KLC1: variants seen among roughly 807,000 people sequenced by gnomAD.
The protein encoded by KLC1 is kinesin 2 60/70kDa.
Under a neutral mutation model 84.2 loss-of-function variants are expected in KLC1, and 30 were observed. The ratio of observed to expected loss-of-function variants is 0.36; its 90% CI spans 0.27 to 0.48. The LOEUF (loss-of-function observed/expected upper bound fraction) is 0.48. Among genes scored for constraint, KLC1 ranks in the 20% least tolerant of loss-of-function variants. KLC1 has a pLI of 0.99. For missense variants in KLC1, 499 were observed against 805.4 expected, an observed-to-expected ratio of 0.62 and a Z score of 4.60; for synonymous variants, 289 against 293.3, an observed-to-expected ratio of 0.99 and a Z score of 0.15.
In KLC1 at chr14:103,677,502, T is replaced by C. The variant is rs765167856; in HGVS notation, c.1467T>C (p.Ala489=). The part of the protein sequence containing the change: ...KFEAAETLEE[A]AMRSRKQGLD... ...AAGCTGCAGAAACGTTAGAAGAAGC[T>C]GCTATGAGGTCTCGTAAACAGGTTA... The change falls in exon 12 of 17, where the codon GCT becomes GCC. Residue 489 remains alanine, a synonymous_variant. Coordinates refer to ENST00000334553, the MANE Select transcript of KLC1 (RefSeq NM_001394837.1). The C allele has an allele frequency of 6.2e-7, 1 of 1,613,526 alleles. No homozygotes were observed. Among genetic ancestry groups the C allele is most frequent in the Non-Finnish European group, 8.5e-7 (1 of 1,179,454 alleles).
chr14:103,685,236 G>C (rs898706648), intron 13 of KLC1: 1 of 1,403,274 alleles, frequency 7.1e-7, no homozygotes, highest in Non-Finnish European at 9.3e-7. Context: ...TCTAAAATGT[G>C]TTTTTAAGAG....
At chr14:103,644,018 A>G (rs1251868459) in intron 1 of KLC1, among the ~76,000 whole-genome samples, 1 of 152,010 alleles carries the variant, frequency 6.6e-6, no homozygotes, top group African/African-American at 2.4e-5. Flanking sequence ...GATCGAGACC[A>G]TCCTGGGTAA....
chr14:103,679,563 C>T lies in KLC1; in HGVS notation c.1650+18C>T, dbSNP rs370308314. ...GGAACGGGGTAAGTACAGTACACAGCGGGCACGTGCTCCGGGAGGCGCCCC... is the reference window on the plus strand; with the variant it reads ...GGAACGGGGTAAGTACAGTACACAGTGGGCACGTGCTCCGGGAGGCGCCCC... On this transcript the variant is annotated intron_variant, in intron 13 of 16. Transcript: ENST00000334553. 3.2e-4 allele frequency: 509 copies of T among 1,589,286 alleles called. 1 individual carries two copies. Among genetic ancestry groups the T allele is most frequent in the Middle Eastern group, 1.8e-3 (11 of 5,982 alleles).
Position 103,693,765 on chromosome 14 carries a change from T to C in KLC1, c.1848+1340T>C, listed in dbSNP as rs1168070922. The C allele has an allele frequency of 7.0e-7, 1 of 1,428,392 alleles. No homozygotes were observed. Among genetic ancestry groups the C allele is most frequent in the Non-Finnish European group, 9.1e-7 (1 of 1,095,098 alleles). The allele number at this position is 1,428,392 out of a possible 1,614,324, so 88.5% of individuals were successfully genotyped here. A position where few individuals can be genotyped will look rare whatever the true frequency, so the allele number is the denominator to read the frequency against. On this transcript the variant is annotated intron_variant, in intron 15 of 16. Coordinates refer to ENST00000334553, the MANE Select transcript of KLC1 (RefSeq NM_001394837.1). The surrounding 1 kb of genome is among the most constrained non-coding windows in gnomAD (Gnocchi z 5.1). ...GTCCACCAACCTTGGAGGTGCCTTT[T>C]CAAAACACCCGGGAGGCCGTGCCTC... is the stretch of plus-strand genomic sequence containing the variant.
chr14:103,676,806 G>A (rs757060343), intron 11 of KLC1, among the ~76,000 whole-genome samples: 3 of 152,148 alleles, frequency 2.0e-5, no homozygotes, highest in African/African-American at 7.2e-5. Context: ...TTTTTAGTAA[G>A]TCTGCTCTAT....
At chr14:103,665,843 C>T (rs993008000) in intron 5 of KLC1, among the ~76,000 whole-genome samples, 2 of 152,224 alleles carry the variant, frequency 1.3e-5, no homozygotes, top group Admixed American at 1.3e-4. Flanking sequence ...GCTGTGTCTG[C>T]CCATGCTTCT....
chr14:103,670,737 G>A (rs760525519), intron 7 of KLC1, among the ~76,000 whole-genome samples: 5 of 151,846 alleles, frequency 3.3e-5, no homozygotes, highest in Non-Finnish European at 7.4e-5. Context: ...CATTTAATTA[G>A]AGAATAGCCC....
intron 1 of KLC1, among the ~76,000 whole-genome samples, chr14:103,645,762 CT>C (rs34476127): frequency 4.1e-4 from 60 of 145,572 alleles, no homozygotes; most frequent in East Asian, 6.1e-4. Flanking sequence ...TGTTACAATC[CT>C]TTTTTTTTTT....
In KLC1 at chr14:103,694,235, G is replaced by C; in HGVS notation, c.1848+1810G>C. The C allele has an allele frequency of 1.0e-6, 1 of 983,316 alleles. No homozygotes were observed. Among genetic ancestry groups the C allele is most frequent in the Non-Finnish European group, 1.2e-6 (1 of 829,192 alleles). 60.9% of individuals were successfully genotyped at this position (983,316 alleles called of 1,614,324 possible). ...GACGCCCCTGCACACGAAGCCCATA[G>C]AGACGTGTGTTTCACTTTTTTTTTT... On this transcript the variant is annotated intron_variant, in intron 15 of 16. Transcript: ENST00000334553. This position sits in a 1 kb window ranked among gnomAD's most constrained non-coding sequence, Gnocchi z 4.5.
Position 103,657,538 on chromosome 14 carries a change from C to G in KLC1, c.262-8C>G. 6.2e-7 allele frequency: 1 copy of G among 1,609,944 alleles called. No homozygotes were observed. The highest frequency in any genetic ancestry group is 8.5e-7 in the Non-Finnish European group (1 of 1,176,308). ...GCCACAGTGCTGCACACGTTTCTGT[C>G]TGCTCAGGTTATGATGGCTTTGTCA... On this transcript the variant is annotated splice_region_variant and splice_polypyrimidine_tract_variant and intron_variant, in intron 2 of 16. Transcript: ENST00000334553.
At chr14:103,679,313 G>A in intron 12 of KLC1, 71 bp from the exon 13 acceptor site, 4 of 1,282,696 alleles carry the variant, frequency 3.1e-6, no homozygotes, top group Non-Finnish European at 4.3e-6. Context: ...TTCTAGCGAA[G>A]TATCTCAGAA....
intron 3 of KLC1, among the ~76,000 whole-genome samples, chr14:103,659,193 GACC>G (rs1307852340): frequency 6.8e-6 from 1 of 146,894 alleles, no homozygotes; most frequent in Non-Finnish European, 1.5e-5. Flanking sequence ...GGCCACTCCT[GACC>G]TCAGGTCATC....
At chr14:103,646,074 T>C (rs369665499) in intron 1 of KLC1, among the ~76,000 whole-genome samples, 2 of 152,180 alleles carry the variant, frequency 1.3e-5, no homozygotes, top group African/African-American at 4.8e-5. Context: ...TATAATCTTA[T>C]GGGACCACTG....
chr14:103,651,483 A>C (rs984933939), intron 1 of KLC1, among the ~76,000 whole-genome samples: 1 of 152,092 alleles, frequency 6.6e-6, no homozygotes, highest in Non-Finnish European at 1.5e-5. Context: ...CTAAATAGCC[A>C]GTTGCCTTGG....
Position 103,693,987 on chromosome 14 carries a change from TATTGTA to T in KLC1, c.1848+1565_1848+1570del. Reference sequence around the variant, plus strand: ...CACCAGACTCTCTTTTAAATTGTAATATTGTAATAAGGCTGTAAATTAAGAATCTGG... The same window carrying T: ...CACCAGACTCTCTTTTAAATTGTAATATAAGGCTGTAAATTAAGAATCTGG... On this transcript the variant is annotated intron_variant, in intron 15 of 16. Coordinates refer to ENST00000334553, the MANE Select transcript of KLC1 (RefSeq NM_001394837.1). This position sits in a 1 kb window ranked among gnomAD's most constrained non-coding sequence, Gnocchi z 5.1. 7 of 1,093,434 alleles carry T rather than the reference TATTGTA, an allele frequency of 6.4e-6. No individual in the cohort carries two copies. Among genetic ancestry groups the T allele is most frequent in the Non-Finnish European group, 7.8e-6 (7 of 897,748 alleles). The allele number at this position is 1,093,434 out of a possible 1,614,324, so 67.7% of individuals were successfully genotyped here.
intron 12 of KLC1, among the ~76,000 whole-genome samples, chr14:103,678,138 C>T (rs2081065567): frequency 2.0e-5 from 3 of 152,164 alleles, no homozygotes; most frequent in Non-Finnish European, 4.4e-5. Context: ...TGGCACAAGC[C>T]TGTAGTCCCA....
At chr14:103,686,128 T>A (rs1408868277) in intron 13 of KLC1, 1 of 989,896 alleles carries the variant, frequency 1.0e-6, no homozygotes, top group Admixed American at 5.7e-5. Context: ...AGTCTGTGTG[T>A]GAAATTTGGG....
rs1567033940 is a variant in KLC1 at position 103,679,370 on chromosome 14, T to C, written c.1489-14T>C. On this transcript the variant is annotated splice_polypyrimidine_tract_variant and intron_variant, in intron 12 of 16. Transcript: ENST00000334553. The stretch of plus-strand genomic sequence containing the variant: ...GCTAATGGGTCAAACCATTTTCCCC[T>C]GCCTGGCTCACAGGGTCTTGACAAT... The C allele has an allele frequency of 6.2e-7, 1 of 1,613,198 alleles. No homozygotes were observed. The highest frequency in any genetic ancestry group is 8.5e-7 in the Non-Finnish European group (1 of 1,179,712).
At chr14:103,629,598 A>T (rs548622810) in intron 1 of KLC1, 104 bp downstream of exon 1, 1 of 150,684 alleles carries the variant, frequency 6.6e-6, no homozygotes, top group Non-Finnish European at 1.5e-5. Context: ...CTCTGTCCCC[A>T]TCCAGGCCTC....
Sources: gnomAD v4.1 joint callset for allele counts (sites outside exome capture counted in the v4.1 genomes callset) on GRCh38, gnomAD v4.1.1 for gene constraint, Gnocchi (gnomAD v3.1) non-coding constraint, MANE v1.5 for transcripts, NCBI Gene and HGNC (gene_info 2026-07-23, HGNC 2026-07-21) for gene names.